The following ZPBP variants were observed in gnomAD, a reference collection of about 807,000 sequenced individuals.
The protein encoded by ZPBP is zona pellucida binding protein.
A neutral mutation model predicts 44.8 loss-of-function variants in ZPBP; 26 were observed. The ratio of observed to expected loss-of-function variants is 0.58; its 90% confidence interval spans 0.43 to 0.81. ZPBP has a LOEUF of 0.81. ZPBP is among the 30% of genes least tolerant of loss of function. The pLI is 0.00. For missense variants in ZPBP, 409 were observed against 434.0 expected, an observed-to-expected ratio of 0.94 and a Z score of 0.51; for synonymous variants, 174 against 153.2, an observed-to-expected ratio of 1.14 and a Z score of -1.00.
At chr7:49,974,390 C>T (rs2128772048) in intron 7 of ZPBP, among the ~76,000 whole-genome samples, 1 of 152,102 alleles carries the variant, frequency 6.6e-6, no homozygotes, top group Admixed American at 6.5e-5. Flanking sequence ...AGGCCTGGAA[C>T]ATGTTATGAT....
At chr7:49,943,211 T>C (rs2128754116) in intron 7 of ZPBP, 3 of 315,728 alleles carry the variant, frequency 9.5e-6, no homozygotes, top group South Asian at 9.0e-5. Flanking sequence ...AATTAATCTT[T>C]TATGTCTTGC....
chr7:50,032,383 A>T (rs1459274344), intron 4 of ZPBP, among the ~76,000 whole-genome samples: 1 of 152,216 alleles, frequency 6.6e-6, no homozygotes, highest in Non-Finnish European at 1.5e-5. Flanking sequence ...GACTGGGGAC[A>T]GGGAAAGAAA....
At chr7:50,059,449 T>C (rs1801136943) in intron 3 of ZPBP, among the ~76,000 whole-genome samples, 1 of 152,202 alleles carries the variant, frequency 6.6e-6, no homozygotes, top group South Asian at 2.1e-4. Context: ...AAATGTGATA[T>C]GAATTTAGAA....
At chr7:50,015,477 C>A (rs1169079792) in intron 6 of ZPBP, among the ~76,000 whole-genome samples, 1 of 152,086 alleles carries the variant, frequency 6.6e-6, no homozygotes. Flanking sequence ...TTAGGACATA[C>A]CACTCTGAAC....
intron 2 of ZPBP, among the ~76,000 whole-genome samples, chr7:49,881,164 G>A (rs953291216): frequency 6.6e-6 from 1 of 152,128 alleles, no homozygotes; most frequent in Non-Finnish European, 1.5e-5. Flanking sequence ...AGCCTTCGGG[G>A]CTACTAGGCT....
At chr7:50,058,260 G>A in intron 3 of ZPBP, 119 bp from the exon 4 acceptor site, 1 of 1,021,068 alleles carries the variant, frequency 9.8e-7, no homozygotes, top group Non-Finnish European at 1.5e-6. Flanking sequence ...AGGAGTGGGG[G>A]GCATAGCTAG....
chr7:50,061,609 T>G (rs941824698), intron 3 of ZPBP, among the ~76,000 whole-genome samples: 20 of 152,182 alleles, frequency 1.3e-4, no homozygotes, highest in African/African-American at 4.1e-4. Flanking sequence ...TTGATTTTAA[T>G]GATTTTAATG....
intron 3 of ZPBP, among the ~76,000 whole-genome samples, chr7:50,079,676 T>C (rs1025268697): frequency 3.5e-4 from 53 of 151,836 alleles, no homozygotes; most frequent in African/African-American, 1.3e-3. Context: ...ATTGTATACT[T>C]GAAATTTTAT....
intron 2 of ZPBP, among the ~76,000 whole-genome samples, chr7:49,875,285 G>A (rs1255822853): frequency 5.3e-5 from 7 of 132,712 alleles, no homozygotes; most frequent in African/African-American, 1.4e-4. Context: ...CAGGAGAATC[G>A]CCTGAACCCA....
At chr7:50,045,338 T>C (rs965404554) in intron 4 of ZPBP, among the ~76,000 whole-genome samples, 3 of 152,100 alleles carry the variant, frequency 2.0e-5, no homozygotes, top group Non-Finnish European at 4.4e-5. Context: ...GGTATTCAAA[T>C]AGGAAGAGAG....
At chr7:49,891,964 A>C (rs951956978) in intron 2 of ZPBP, among the ~76,000 whole-genome samples, 24 of 152,238 alleles carry the variant, frequency 1.6e-4, no homozygotes, top group African/African-American at 5.8e-4. Context: ...CATAAAATGA[A>C]AAGATACAAA....
intron 2 of ZPBP, among the ~76,000 whole-genome samples, chr7:49,900,049 A>T (rs899238350): frequency 5.9e-5 from 9 of 151,878 alleles, no homozygotes; most frequent in Non-Finnish European, 1.0e-4. Flanking sequence ...CTTGAATGTT[A>T]AACAATAAAC....
intron 3 of ZPBP, among the ~76,000 whole-genome samples, chr7:50,060,459 A>G (rs1322367681): frequency 1.3e-5 from 2 of 152,202 alleles, no homozygotes; most frequent in East Asian, 3.8e-4. Flanking sequence ...AATAAACACC[A>G]TCAGAAATGA....
chr7:49,967,704 G>A (rs1796117581), intron 7 of ZPBP, among the ~76,000 whole-genome samples: 3 of 152,126 alleles, frequency 2.0e-5, no homozygotes, highest in South Asian at 2.1e-4. Flanking sequence ...GTGCCACCAC[G>A]CATGGCTAAT....
downstream of ZPBP, among the ~76,000 whole-genome samples, chr7:49,845,881 ACACCCACACGTTT>A (rs139695664): frequency 6.6e-6 from 1 of 152,178 alleles, no homozygotes; most frequent in Non-Finnish European, 1.5e-5. Context: ...GTGCGTGTGC[ACACCCACACGTTT>A]CTCATCTTAC....
chr7:50,089,625 A>G lies in ZPBP; in HGVS notation c.208+4T>C, dbSNP rs1168027289. The G allele has an allele frequency of 5.7e-6, 9 of 1,589,404 alleles. No individual in the cohort carries two copies. The highest frequency in any genetic ancestry group is 1.1e-5 in the South Asian group (1 of 89,700). On this transcript the variant is annotated splice_donor_region_variant and intron_variant, in intron 2 of 7. Coordinates refer to ENST00000046087, the MANE Select transcript of ZPBP (RefSeq NM_007009.3). ...AAAATTAGTGAAAATATATTTATGA[A>G]TACCTGGAAAACTTGTTGATCCCAC...
At chr7:49,900,127 T>G (rs1792634312) in intron 2 of ZPBP, among the ~76,000 whole-genome samples, 1 of 151,682 alleles carries the variant, frequency 6.6e-6, no homozygotes. Flanking sequence ...TAAATAAAAA[T>G]TTAGTTTATT....
intron 1 of ZPBP, among the ~76,000 whole-genome samples, chr7:49,924,782 A>T (rs1794165817): frequency 6.6e-6 from 1 of 152,178 alleles, no homozygotes. Flanking sequence ...AACAACCATT[A>T]AAAAACTCTG....
At chr7:50,005,366 C>A (rs1426889170) in intron 6 of ZPBP, among the ~76,000 whole-genome samples, 2 of 151,858 alleles carry the variant, frequency 1.3e-5, no homozygotes, top group African/African-American at 4.8e-5. Context: ...TAAAACCCTG[C>A]ATTGTTGTAA....
Sources: allele counts gnomAD v4.1 joint callset (sites outside exome capture counted in the v4.1 genomes callset), GRCh38; gene constraint gnomAD v4.1.1; transcripts MANE v1.5; gene names NCBI Gene and HGNC (gene_info 2026-07-23, HGNC 2026-07-21).